RAB8A: variants seen among roughly 807,000 people sequenced by gnomAD.
The protein encoded by RAB8A is RAB8A, member RAS oncogene family.
Under a neutral mutation model 29.2 loss-of-function variants are expected in RAB8A, and 5 were observed. The ratio of observed to expected loss-of-function variants is 0.17; its 90% confidence interval spans 0.09 to 0.36. The LOEUF is 0.36. Among genes scored for constraint, RAB8A ranks in the 10% least tolerant of loss-of-function variants. The pLI is 1.00. For synonymous variants in RAB8A, 108 were observed against 99.9 expected (o/e 1.08, Z -0.49); for missense variants, 171 against 272.2 (o/e 0.63, Z 2.62).
In RAB8A at chr19:16,128,012, T is replaced by C. The variant is rs1307304309; in HGVS notation, c.415-14T>C. ...CGGCTGGTGTGCTCATGCGTGTGCC[T>C]CCCTCTCTCACAGCTGGCCCTCGAC... On this transcript the variant is annotated splice_polypyrimidine_tract_variant and intron_variant, in intron 5 of 7. Coordinates refer to ENST00000300935, the MANE Select transcript of RAB8A (RefSeq NM_005370.5). 6.2e-7 allele frequency: 1 copy of C among 1,614,000 alleles called. No individual in the cohort carries two copies. The highest frequency in any genetic ancestry group is 8.5e-7 in the Non-Finnish European group (1 of 1,179,908).
chr19:16,125,022 G>T lies in RAB8A; in HGVS notation c.247-448G>T. ...GACTTCCTGGGCTCAGTTGTGCCTGGTAGGTGGCTCAGGCAGAGCGTGGGG... is the reference window on the plus strand; with the variant it reads ...GACTTCCTGGGCTCAGTTGTGCCTGTTAGGTGGCTCAGGCAGAGCGTGGGG... On this transcript the variant is annotated intron_variant, in intron 3 of 7. Transcript: ENST00000300935. The surrounding 1 kb of genome is among the most constrained non-coding windows in gnomAD (Gnocchi z 5.0). The T allele has an allele frequency of 4.3e-6, 1 of 233,220 alleles. No individual in the cohort carries two copies. Among genetic ancestry groups the T allele is most frequent in the Middle Eastern group, 1.8e-3 (1 of 564 alleles). The allele number at this position is 233,220 out of a possible 1,614,324, so 14.4% of individuals were successfully genotyped here.
intron 1 of RAB8A, among the ~76,000 whole-genome samples, chr19:16,113,018 C>G (rs140872995): frequency 6.6e-6 from 1 of 152,228 alleles, no homozygotes; most frequent in Non-Finnish European, 1.5e-5. Context: ...AAGACTCCAG[C>G]TGTCACTTTA....
chr19:16,130,243 C>T (rs2144997561), intron 7 of RAB8A, among the ~76,000 whole-genome samples: 1 of 152,068 alleles, frequency 6.6e-6, no homozygotes, highest in African/African-American at 2.4e-5. Flanking sequence ...CTTCCCTGTA[C>T]TTTGGGGGCA....
At chr19:16,129,256 G>A (rs1361996271) in intron 6 of RAB8A, among the ~76,000 whole-genome samples, 17 of 152,280 alleles carry the variant, frequency 1.1e-4, no homozygotes, top group African/African-American at 3.1e-4. Flanking sequence ...ACTGAGTGTC[G>A]CCCCATCTCA....
chr19:16,112,859 A>T (rs1280320610), intron 1 of RAB8A: 2 of 152,208 alleles, frequency 1.3e-5, no homozygotes, highest in African/African-American at 4.8e-5. Flanking sequence ...CCCACCTTTC[A>T]TCCTGCTCCA....
chr19:16,123,446 A>G (rs1448977818), intron 3 of RAB8A, among the ~76,000 whole-genome samples: 2 of 152,226 alleles, frequency 1.3e-5, no homozygotes, highest in African/African-American at 4.8e-5. Flanking sequence ...ATCTCTACTA[A>G]AAATACAAAA....
chr19:16,127,542 CA>C lies in RAB8A; in HGVS notation c.414+18del. 6.6e-7 allele frequency: 1 copy of C among 1,504,646 alleles called. No individual in the cohort carries two copies. Among genetic ancestry groups the C allele is most frequent in the Non-Finnish European group, 8.9e-7 (1 of 1,125,708 alleles). The allele number at this position is 1,504,646 out of a possible 1,614,324, so 93.2% of individuals were successfully genotyped here. On this transcript the variant is annotated intron_variant, in intron 5 of 7. Coordinates refer to ENST00000300935, the MANE Select transcript of RAB8A (RefSeq NM_005370.5). This position sits in a 1 kb window ranked among gnomAD's most constrained non-coding sequence, Gnocchi z 4.8. ...GGGAGAAAAGGTGGGCATGGTGGCA[CA>C]AGGGGCAGAGGGCCTCGGGGTCTTG...
rs897787213 is a variant in RAB8A, at chr19:16,132,981, G to C, written c.*677G>C. 6.5e-6 allele frequency: 1 copy of C among 152,770 alleles called. No individual in the cohort carries two copies. The highest frequency in any genetic ancestry group is 2.4e-5 in the African/African-American group (1 of 41,426). 9.5% of individuals were successfully genotyped at this position (152,770 alleles called of 1,614,324 possible). On this transcript the variant is annotated 3_prime_UTR_variant, in exon 8 of 8. Transcript: ENST00000300935. This position sits in a 1 kb window ranked among gnomAD's most constrained non-coding sequence, Gnocchi z 5.6. ...CTCTCCTGTCCACAGCCAGGGGTTA[G>C]GTCTGCAGGCCCGTCTGCGGTCCCC...
chr19:16,132,244 A>T lies in RAB8A; in HGVS notation c.564A>T (p.Gly188=), dbSNP rs1192005363. ...EGNSPQGSNQ[G]VKITPDQQKR... ...ACAGCCCCCAGGGGAGCAACCAGGG[A>T]GTCAAAATCACACCGGACCAGCAGA... The change falls in exon 8 of 8, where the codon GGA becomes GGT. Residue 188 remains glycine, a synonymous_variant. Transcript: ENST00000300935. This position sits in a 1 kb window ranked among gnomAD's most constrained non-coding sequence, Gnocchi z 5.6. 1 of 1,614,126 alleles carries T rather than the reference A, an allele frequency of 6.2e-7. No individual in the cohort carries two copies. Among genetic ancestry groups the T allele is most frequent in the Admixed American group, 1.7e-5 (1 of 60,012 alleles).
rs756629932 is a variant in RAB8A, at chr19:16,125,550, G to T, written c.324+3G>T. ...ACTGGATTCGCAACATTGAGGAGGTGAGGCCCTCCGGCTCCTCCCACTGTC... is the reference window on the plus strand; with the variant it reads ...ACTGGATTCGCAACATTGAGGAGGTTAGGCCCTCCGGCTCCTCCCACTGTC... On this transcript the variant is annotated splice_donor_region_variant and intron_variant, in intron 4 of 7. Transcript: ENST00000300935. This position sits in a 1 kb window ranked among gnomAD's most constrained non-coding sequence, Gnocchi z 5.0. The T allele has an allele frequency of 6.2e-7, 1 of 1,610,966 alleles. No homozygotes were observed.
At chr19:16,123,833 A>T (rs1388164357) in intron 3 of RAB8A, 1 of 151,962 alleles carries the variant, frequency 6.6e-6, no homozygotes, top group Non-Finnish European at 1.5e-5. Flanking sequence ...ACCCATGGTG[A>T]GGTTTGCCCA....
intron 1 of RAB8A, among the ~76,000 whole-genome samples, chr19:16,115,710 G>A (rs188764190): frequency 5.3e-4 from 80 of 152,342 alleles, no homozygotes; most frequent in Non-Finnish European, 9.7e-4. Context: ...GTCAAGGTGC[G>A]TGCAGGACTG....
rs1294966662 is a variant in RAB8A, at chr19:16,118,297, T to C, written c.185+11T>C. On this transcript the variant is annotated intron_variant, in intron 2 of 7. Transcript: ENST00000300935. The stretch of plus-strand genomic sequence containing the variant: ...TAAACTGCAGATATGGTAAGAGTCA[T>C]TGTTCTCTGTCATTCTCTCCACCTG... The C allele has an allele frequency of 3.1e-6, 5 of 1,607,696 alleles. No homozygotes were observed. Among genetic ancestry groups the C allele is most frequent in the Non-Finnish European group, 4.3e-6 (5 of 1,175,850 alleles).
Position 16,127,861 on chromosome 19 carries a change from G to T in RAB8A, c.415-165G>T. 1 of 710,800 alleles carries T rather than the reference G, an allele frequency of 1.4e-6. No homozygotes were observed. The highest frequency in any genetic ancestry group is 1.6e-5 in the South Asian group (1 of 61,236). 44.0% of individuals were successfully genotyped at this position (710,800 alleles called of 1,614,324 possible). A position where few individuals can be genotyped will look rare whatever the true frequency, so the allele number is the denominator to read the frequency against. On this transcript the variant is annotated intron_variant, in intron 5 of 7. Transcript: ENST00000300935. This position sits in a 1 kb window ranked among gnomAD's most constrained non-coding sequence, Gnocchi z 4.8. ...ATGCCCTGTGAGGCCCTGTGGAGGG[G>T]CATTCACTATAGAATTGAGGGAGTG...
chr19:16,118,383 C>T, intron 2 of RAB8A, 97 bp downstream of exon 2: 1 of 1,169,850 alleles, frequency 8.5e-7, no homozygotes, highest in African/African-American at 1.5e-5. Context: ...TGACCTTGGC[C>T]TCCATTTCTT....
chr19:16,118,104 G>A (rs1430924802), intron 1 of RAB8A, 122 bp from the exon 2 acceptor site: 4 of 740,614 alleles, frequency 5.4e-6, no homozygotes, highest in Non-Finnish European at 9.2e-6. Flanking sequence ...TGCATGCCCA[G>A]CACCAGGCAG....
At chr19:16,120,922 CT>C (rs59556140) in intron 2 of RAB8A, among the ~76,000 whole-genome samples, 51 of 142,460 alleles carry the variant, frequency 3.6e-4, no homozygotes, top group Admixed American at 4.2e-4. Flanking sequence ...GTTAGGTTAC[CT>C]TTTTTTTTTT....
chr19:16,127,315 C>T lies in RAB8A; in HGVS notation c.325-122C>T. On this transcript the variant is annotated intron_variant, in intron 4 of 7. Coordinates refer to ENST00000300935, the MANE Select transcript of RAB8A (RefSeq NM_005370.5). This position sits in a 1 kb window ranked among gnomAD's most constrained non-coding sequence, Gnocchi z 4.8. ...TCTGAGCTTCAGCTTGTCCCTTAGA[C>T]CAGGCTGTACCTAGCAGTCCTGACC... 1 of 518,600 alleles carries T rather than the reference C, an allele frequency of 1.9e-6. No homozygotes were observed. Among genetic ancestry groups the T allele is most frequent in the Non-Finnish European group, 3.1e-6 (1 of 320,122 alleles). 32.1% of individuals were successfully genotyped at this position (518,600 alleles called of 1,614,324 possible).
Position 16,122,769 on chromosome 19 carries a change from C to T in RAB8A, c.246+959C>T, listed in dbSNP as rs962613166. ...TGTTTAGAGCATCCCACACGGCATC[C>T]GAAACCTCATGGCAACCCACTCGTG... On this transcript the variant is annotated intron_variant, in intron 3 of 7. Transcript: ENST00000300935. This position sits in a 1 kb window ranked among gnomAD's most constrained non-coding sequence, Gnocchi z 4.7. 5.3e-5 allele frequency among the ~76,000 whole-genome samples: 8 copies of T among 152,140 alleles called. No individual in the cohort carries two copies. Among genetic ancestry groups the T allele is most frequent in the East Asian group, 1.9e-4 (1 of 5,196 alleles).
Sources: gnomAD v4.1 joint callset for allele counts (sites outside exome capture counted in the v4.1 genomes callset) on GRCh38, gnomAD v4.1.1 for gene constraint, Gnocchi (gnomAD v3.1) non-coding constraint, MANE v1.5 for transcripts, NCBI Gene and HGNC (gene_info 2026-07-23, HGNC 2026-07-21) for gene names.